Variants in SLC28A1 observed in about 807,000 individuals in gnomAD.
The protein encoded by SLC28A1 is sodium/nucleoside cotransporter 1.
Under a neutral mutation model 74.8 loss-of-function variants are expected in SLC28A1, and 64 were observed. The observed-to-expected ratio is 0.86, with a 90% CI of 0.70 to 1.05. The LOEUF is 1.05. Among genes scored for constraint, SLC28A1 ranks in the 50% least tolerant of loss-of-function variants. The probability of loss-of-function intolerance (pLI) is 0.00; values close to 1 mark genes in which losing one functional copy is unlikely to be tolerated. For missense variants in SLC28A1, 828 were observed against 822.8 expected, an observed-to-expected ratio of 1.01 and a Z score of -0.08; for synonymous variants, 359 against 335.0, an observed-to-expected ratio of 1.07 and a Z score of -0.78.
Position 84,945,012 on chromosome 15 carries a change from T to C in SLC28A1, c.1875-113T>C, listed in dbSNP as rs982044983. 9 of 1,137,076 alleles carry C rather than the reference T, an allele frequency of 7.9e-6. No individual in the cohort carries two copies. In the Admixed American group the frequency reaches 1.4e-4, roughly 17 times the overall value. The allele number at this position is 1,137,076 out of a possible 1,614,324, so 70.4% of individuals were successfully genotyped here. Reference sequence around the variant, plus strand: ...GGGGAGGTGAAGGCTCGAGGACCAATGGAGGAAGGGTGGACCAGAGACTTG... The same window carrying C: ...GGGGAGGTGAAGGCTCGAGGACCAACGGAGGAAGGGTGGACCAGAGACTTG... On this transcript the variant is annotated intron_variant, in intron 18 of 18. Transcript: ENST00000394573.
the SLC28A1 span, among the ~76,000 whole-genome samples, chr15:84,960,172 C>A: frequency 6.8e-6 from 1 of 147,150 alleles, no homozygotes. Context: ...TTTATAAACT[C>A]TCCCGTAATC....
chr15:84,887,324 T>G, intron 2 of SLC28A1: 1 of 983,690 alleles, frequency 1.0e-6, no homozygotes, highest in Non-Finnish European at 1.2e-6. Context: ...CCCTATGAAG[T>G]GGGCAGAATT....
chr15:84,910,663 G>C (rs138291729), intron 9 of SLC28A1, among the ~76,000 whole-genome samples: 1,628 of 152,302 alleles, frequency 0.011, 105 homozygotes, highest in Admixed American at 0.097. Context: ...AGGAGGCAGA[G>C]GTTGCAGTGA....
At chr15:84,973,511 G>A in the SLC28A1 span, among the ~76,000 whole-genome samples, 2 of 152,130 alleles carry the variant, frequency 1.3e-5, no homozygotes, top group Non-Finnish European at 2.9e-5. Flanking sequence ...ATGAGTTGAA[G>A]AAAAATCAGA....
At chr15:84,937,864 T>A (rs1204588433) in intron 15 of SLC28A1, among the ~76,000 whole-genome samples, 2 of 150,538 alleles carry the variant, frequency 1.3e-5, no homozygotes, top group Non-Finnish European at 2.9e-5. Flanking sequence ...GCCACTGCAC[T>A]CCAGCTTGGG....
chr15:84,936,553 G>T (rs7176065), intron 15 of SLC28A1, among the ~76,000 whole-genome samples: 1 of 152,028 alleles, frequency 6.6e-6, no homozygotes, highest in African/African-American at 2.4e-5. Flanking sequence ...CACCATACCC[G>T]GCCATCACCT....
chr15:84,928,821 C>T (rs150820121), intron 12 of SLC28A1, among the ~76,000 whole-genome samples: 151 of 151,852 alleles, frequency 9.9e-4, no homozygotes, highest in East Asian at 8.7e-3. Context: ...CAGGGTTTCA[C>T]CATGTTGGCC....
chr15:84,955,359 C>A, the SLC28A1 span, among the ~76,000 whole-genome samples: 2 of 152,162 alleles, frequency 1.3e-5, no homozygotes, highest in African/African-American at 4.8e-5. Flanking sequence ...ACTGGAAGAG[C>A]CTCAGAACAG....
chr15:84,908,588 C>CG, intron 8 of SLC28A1, 130 bp from the exon 9 acceptor site: 2 of 635,328 alleles, frequency 3.1e-6, no homozygotes, highest in Non-Finnish European at 5.4e-6. Flanking sequence ...CCAGGTGGTG[C>CG]CCCCCCCCGG....
At chr15:84,913,657 T>A (rs1968673664) in intron 9 of SLC28A1, among the ~76,000 whole-genome samples, 1 of 152,224 alleles carries the variant, frequency 6.6e-6, no homozygotes, top group African/African-American at 2.4e-5. Flanking sequence ...CCTTCTTCCT[T>A]GAGTTATGGT....
At chr15:84,942,774 G>A (rs1050768002) in intron 15 of SLC28A1, among the ~76,000 whole-genome samples, 4 of 151,926 alleles carry the variant, frequency 2.6e-5, no homozygotes, top group African/African-American at 4.9e-5. Flanking sequence ...CCAGGACTGC[G>A]GGGTCAGGGA....
At chr15:84,918,729 A>C in intron 10 of SLC28A1, 125 bp downstream of exon 10, 2 of 784,764 alleles carry the variant, frequency 2.5e-6, no homozygotes, top group Non-Finnish European at 4.5e-6. Flanking sequence ...CCAAGCCCAC[A>C]CCCTTCCAGA....
In SLC28A1 at chr15:84,944,769, G is replaced by A; in HGVS notation, c.1776G>A (p.Met592Ile). The A allele has an allele frequency of 1.9e-6, 3 of 1,613,798 alleles. No individual in the cohort carries two copies. The highest frequency in any genetic ancestry group is 2.5e-6 in the Non-Finnish European group (3 of 1,179,720). ...TTCCCTCTACAGGGATCCTCTACAT[G>A]CCCAGGGGGGCTGAAGTTGACTGCA... ...VNACMAGILY[M>I]PRGAEVDCMS... The change falls in exon 18 of 19, where the codon ATG becomes ATA. Residue 592 changes from methionine (M) to isoleucine (I), a missense_variant. Met to Ile is a conservative substitution (Grantham distance 10). This residue lies in a region of SLC28A1 where 767 missense variants were observed against 753.5 expected (regional missense o/e 1.02). Coordinates refer to ENST00000394573, the MANE Select transcript of SLC28A1 (RefSeq NM_004213.5).
At chr15:84,927,308 C>T (rs562488498) in intron 12 of SLC28A1, among the ~76,000 whole-genome samples, 6 of 152,320 alleles carry the variant, frequency 3.9e-5, no homozygotes, top group Admixed American at 1.3e-4. Flanking sequence ...TTATTTAATG[C>T]ATACACACGG....
chr15:84,903,971 T>C, intron 6 of SLC28A1, 126 bp from the exon 7 acceptor site: 1 of 1,263,326 alleles, frequency 7.9e-7, no homozygotes, highest in Non-Finnish European at 1.1e-6. Flanking sequence ...CTCTTTCCAC[T>C]CTGCTGTGCT....
chr15:84,895,681 CCCA>C (rs57279175), intron 6 of SLC28A1: 25,425 of 1,403,514 alleles, frequency 0.018, 746 homozygotes, highest in East Asian at 0.14. Flanking sequence ...TCCCGCCCAG[CCCA>C]CCATTTCACC....
At position 84,908,806 on chromosome 15, in the gene SLC28A1, C is replaced by T; in HGVS notation, c.795+11C>T. The T allele has an allele frequency of 6.2e-7, 1 of 1,611,904 alleles. No individual in the cohort carries two copies. Among genetic ancestry groups the T allele is most frequent in the Non-Finnish European group, 8.5e-7 (1 of 1,178,768 alleles). ...GTCTTTGCCTTTCAGGTCAGCTTGA[C>T]TCAGGGTCCCAGAGGCCTTTAGCAG... On this transcript the variant is annotated intron_variant, in intron 9 of 18. Coordinates refer to ENST00000394573, the MANE Select transcript of SLC28A1 (RefSeq NM_004213.5).
intron 12 of SLC28A1, among the ~76,000 whole-genome samples, chr15:84,925,602 A>G (rs1021259634): frequency 6.6e-6 from 1 of 152,160 alleles, no homozygotes; most frequent in African/African-American, 2.4e-5. Context: ...TGTGTTTCAA[A>G]AAAAGAAAAG....
chr15:84,958,223 T>G, the SLC28A1 span, among the ~76,000 whole-genome samples: 2 of 152,220 alleles, frequency 1.3e-5, no homozygotes, highest in Non-Finnish European at 2.9e-5. Flanking sequence ...GTCCTATATC[T>G]GATTCCCTCT....
Sources: gnomAD v4.1 joint callset for allele counts (sites outside exome capture counted in the v4.1 genomes callset) on GRCh38, gnomAD v4.1.1 for gene constraint, gnomAD v4.1.1 regional missense constraint, MANE v1.5 for transcripts, NCBI Gene and HGNC (gene_info 2026-07-23, HGNC 2026-07-21) for gene names.